TFEC: variants seen among roughly 807,000 people sequenced by gnomAD.
The protein encoded by TFEC is class E basic helix-loop-helix protein 34.
A neutral mutation model predicts 41.6 loss-of-function variants in TFEC; 31 were observed. The ratio of observed to expected loss-of-function variants is 0.74; its 90% confidence interval spans 0.56 to 1.01. The LOEUF is 1.01. Among genes scored for constraint, TFEC ranks in the 50% least tolerant of loss-of-function variants. The pLI is 0.00. For synonymous variants in TFEC, 143 were observed against 140.6 expected, an observed-to-expected ratio of 1.02 and a Z score of -0.12; for missense variants, 402 against 404.1, an observed-to-expected ratio of 0.99 and a Z score of 0.04.
rs144578110 is a variant in TFEC, at chr7:115,954,646, A to T, written c.383-4T>A. On this transcript the variant is annotated splice_region_variant and splice_polypyrimidine_tract_variant and intron_variant, in intron 4 of 7. Transcript: ENST00000265440. Reference sequence around the variant, plus strand: ...GCTAAAGCTCTAGTGTCAGTTTCTGATCAAAAGAAAAATAATAAAAACCAT... The same window carrying T: ...GCTAAAGCTCTAGTGTCAGTTTCTGTTCAAAAGAAAAATAATAAAAACCAT... 194 of 1,609,972 alleles carry T rather than the reference A, an allele frequency of 1.2e-4. No individual in the cohort carries two copies. The East Asian group carries it at 3.5e-3, about 29-fold the overall frequency.
At chr7:115,962,826 A>G (rs1389506920) in intron 3 of TFEC, among the ~76,000 whole-genome samples, 1 of 151,884 alleles carries the variant, frequency 6.6e-6, no homozygotes, top group Non-Finnish European at 1.5e-5. Flanking sequence ...TCTTAAACTC[A>G]ACAACAAAAA....
chr7:116,080,747 A>G (rs1797068023), intron 3 of TFEC, among the ~76,000 whole-genome samples: 1 of 152,126 alleles, frequency 6.6e-6, no homozygotes. Flanking sequence ...ATGGGAATGT[A>G]AACCAGCACA....
At chr7:116,069,874 T>C (rs1231196450) in intron 3 of TFEC, among the ~76,000 whole-genome samples, 1 of 151,626 alleles carries the variant, frequency 6.6e-6, no homozygotes, top group Non-Finnish European at 1.5e-5. Context: ...GTAATTTTAA[T>C]CTGTCAAAAT....
intron 1 of TFEC, among the ~76,000 whole-genome samples, chr7:116,012,022 G>A (rs374339597): frequency 1.8e-4 from 27 of 152,114 alleles, no homozygotes; most frequent in African/African-American, 5.8e-4. Flanking sequence ...AAATGACCCA[G>A]CCTTAGGTAT....
intron 7 of TFEC, chr7:115,941,654 CATATATGTGTATATACATATATACAT>C (rs937793661): frequency 1.2e-5 from 6 of 505,948 alleles, no homozygotes; most frequent in African/African-American, 1.9e-5. Context: ...CATATATACA[CATATATGTGTATATACATATATACAT>C]ATATACATAT....
intron 1 of TFEC, among the ~76,000 whole-genome samples, chr7:116,023,545 G>T (rs1161279873): frequency 2.0e-5 from 3 of 152,138 alleles, no homozygotes; most frequent in African/African-American, 7.2e-5. Context: ...GAGCATGAAT[G>T]AATTGAACCT....
At chr7:116,119,723 T>C (rs1459662377) in intron 1 of TFEC, among the ~76,000 whole-genome samples, 1 of 151,862 alleles carries the variant, frequency 6.6e-6, no homozygotes, top group Non-Finnish European at 1.5e-5. Flanking sequence ...TAATTACATT[T>C]TATTTACCAA....
intron 1 of TFEC, among the ~76,000 whole-genome samples, chr7:116,003,437 T>C (rs1003955572): frequency 4.6e-5 from 7 of 151,858 alleles, no homozygotes; most frequent in Non-Finnish European, 1.0e-4. Flanking sequence ...CTAAAAAACA[T>C]AACAATCCTT....
intron 3 of TFEC, among the ~76,000 whole-genome samples, chr7:115,960,409 A>C (rs1207839346): frequency 6.6e-6 from 1 of 151,746 alleles, no homozygotes; most frequent in Non-Finnish European, 1.5e-5. Context: ...ATGCTTAAAT[A>C]AGTAGAGATA....
intron 1 of TFEC, among the ~76,000 whole-genome samples, chr7:116,006,837 G>A (rs576459573): frequency 1.1e-4 from 16 of 152,166 alleles, no homozygotes; most frequent in Admixed American, 9.2e-4. Flanking sequence ...TGAATCATGG[G>A]GCAGGTCTTT....
chr7:116,151,656 T>C, intron 1 of TFEC, among the ~76,000 whole-genome samples: 1 of 147,214 alleles, frequency 6.8e-6, no homozygotes, highest in Non-Finnish European at 1.5e-5. Context: ...TACAATGGAA[T>C]TTTTTTTTTC....
chr7:115,991,139 A>G (rs1026795074), intron 1 of TFEC, among the ~76,000 whole-genome samples: 1 of 151,264 alleles, frequency 6.6e-6, no homozygotes, highest in Non-Finnish European at 1.5e-5. Flanking sequence ...TAAGCTTCAT[A>G]AAGGAGAAAT....
At chr7:116,137,967 T>C (rs17138350) in intron 1 of TFEC, among the ~76,000 whole-genome samples, 16,500 of 152,004 alleles carry the variant, frequency 0.11, 971 homozygotes, top group African/African-American at 0.15. Flanking sequence ...AATTCTAGAT[T>C]TCCAAACCAG....
At chr7:116,155,361 C>G (rs1043335284) in intron 1 of TFEC, among the ~76,000 whole-genome samples, 1 of 152,192 alleles carries the variant, frequency 6.6e-6, no homozygotes, top group African/African-American at 2.4e-5. Context: ...TATCGAAGGA[C>G]TATTTTACAA....
rs988797348 is a variant in TFEC at position 115,964,119 on chromosome 7, T to C, written c.268-7326A>G. Among the ~76,000 whole-genome samples, 4 of 151,620 alleles carry C rather than the reference T, an allele frequency of 2.6e-5. No individual in the cohort carries two copies. In the East Asian group the frequency reaches 5.8e-4, roughly 22 times the overall value. ...GATCTATGCTCACGGTTGACAAAAA[T>C]TTGCCATTGATTGTAAATGCTTAGA... On this transcript the variant is annotated intron_variant, in intron 3 of 7. Transcript: ENST00000265440.
chr7:116,077,499 C>T (rs12154748), intron 3 of TFEC, among the ~76,000 whole-genome samples: 25,510 of 152,000 alleles, frequency 0.17, 2,280 homozygotes, highest in East Asian at 0.36. Flanking sequence ...GATAAGAATT[C>T]GCCAACCAAG....
intron 3 of TFEC, among the ~76,000 whole-genome samples, chr7:116,036,815 A>G (rs546389089): frequency 6.6e-6 from 1 of 152,198 alleles, no homozygotes; most frequent in South Asian, 2.1e-4. Flanking sequence ...TGGTATCAGG[A>G]ATAAAAGAAT....
At chr7:116,029,405 G>C (rs922223645) in intron 1 of TFEC, among the ~76,000 whole-genome samples, 12 of 152,152 alleles carry the variant, frequency 7.9e-5, no homozygotes, top group Non-Finnish European at 1.6e-4. Context: ...AAGTGAAGCA[G>C]AATTGTCCGA....
At chr7:116,090,901 A>T (rs1797311070) in intron 3 of TFEC, among the ~76,000 whole-genome samples, 1 of 150,346 alleles carries the variant, frequency 6.7e-6, no homozygotes, top group Non-Finnish European at 1.5e-5. Context: ...GTCACTCATA[A>T]GTTGGAGTTG....
Sources: allele counts gnomAD v4.1 joint callset (sites outside exome capture counted in the v4.1 genomes callset), GRCh38; gene constraint gnomAD v4.1.1; transcripts MANE v1.5; gene names NCBI Gene and HGNC (gene_info 2026-07-23, HGNC 2026-07-21).